The following AATK variants were observed in gnomAD, a reference collection of about 807,000 sequenced individuals.
The protein encoded by AATK is serine/threonine-protein kinase LMTK1.
Under a neutral mutation model 114.3 loss-of-function variants are expected in AATK, and 91 were observed. The ratio of observed to expected loss-of-function variants is 0.80; its 90% confidence interval spans 0.67 to 0.95. AATK has a LOEUF of 0.95. Ranked by LOEUF, AATK falls within the 40% of genes least tolerant of loss-of-function variation. The pLI is 0.00. For missense variants in AATK, 2,176 were observed against 1,965.2 expected, an observed-to-expected ratio of 1.11 and a Z score of -2.03; for synonymous variants, 1,075 against 916.5, an observed-to-expected ratio of 1.17 and a Z score of -3.12.
In AATK at chr17:81,126,720, G is replaced by A. The variant is rs2060832214; in HGVS notation, c.622-160C>T. 87 of 1,419,244 alleles carry A rather than the reference G, an allele frequency of 6.1e-5. No homozygotes were observed. In the South Asian group the frequency reaches 1.3e-3, roughly 21 times the overall value. The allele number at this position is 1,419,244 out of a possible 1,614,324, so 87.9% of individuals were successfully genotyped here. A position where few individuals can be genotyped will look rare whatever the true frequency, so the allele number is the denominator to read the frequency against. On this transcript the variant is annotated intron_variant, in intron 6 of 13. Transcript: ENST00000326724. This position sits in a 1 kb window ranked among gnomAD's most constrained non-coding sequence, Gnocchi z 5.1. ...CCTGCACAGTGGCCAGCACCCAGCA[G>A]TTCCTGGAGGGGGGCCGTGTCCCCC...
rs757536504 is a variant in AATK at position 81,160,604 on chromosome 17, C to T, written c.55+5334G>A. 6.6e-5 allele frequency among the ~76,000 whole-genome samples: 10 copies of T among 152,322 alleles called. No individual in the cohort carries two copies. The South Asian group carries it at 1.2e-3, about 19-fold the overall frequency. On this transcript the variant is annotated intron_variant, in intron 1 of 13. Coordinates refer to ENST00000326724, the MANE Select transcript of AATK (RefSeq NM_001080395.3). ...CTGTCACTGTGGCCTGCGGAGGGGA[C>T]GGGAGTCTCCCCACCACGGACACGG... is the stretch of plus-strand genomic sequence containing the variant.
intron 1 of AATK, among the ~76,000 whole-genome samples, chr17:81,157,614 C>G (rs557566747): frequency 1.3e-4 from 20 of 152,362 alleles, no homozygotes; most frequent in African/African-American, 4.8e-4. Context: ...GTGAGTTCCA[C>G]CAGCTGGACA....
At chr17:81,123,397 C>G (rs1212513573) in intron 9 of AATK, 54 bp from the exon 10 acceptor site, 2 of 1,313,586 alleles carry the variant, frequency 1.5e-6, no homozygotes, top group East Asian at 6.3e-5. Context: ...ACAGCAAGGA[C>G]CGCGCAGGAT....
chr17:81,127,122 C>T (rs1247042579), intron 6 of AATK, among the ~76,000 whole-genome samples: 2 of 60,290 alleles, frequency 3.3e-5, no homozygotes, highest in African/African-American at 6.7e-5. Flanking sequence ...GGGCAGGTCT[C>T]AGGGGGAGGG....
intron 3 of AATK, chr17:81,128,919 G>T: frequency 8.9e-7 from 1 of 1,126,248 alleles, no homozygotes; most frequent in South Asian, 2.2e-5. Flanking sequence ...GGCACAGAGA[G>T]GGCACTGGAG....
intron 1 of AATK, among the ~76,000 whole-genome samples, chr17:81,158,195 G>A (rs1388466193): frequency 6.6e-6 from 1 of 152,246 alleles, no homozygotes; most frequent in Non-Finnish European, 1.5e-5. Flanking sequence ...GGCTCCAGCA[G>A]CAGCCAAGCA....
intron 1 of AATK, among the ~76,000 whole-genome samples, chr17:81,161,953 G>A (rs2061433211): frequency 1.3e-5 from 2 of 152,166 alleles, no homozygotes; most frequent in Non-Finnish European, 2.9e-5. Flanking sequence ...TGCAGGGGCC[G>A]GTCCTCTGGG....
chr17:81,120,206 C>A lies in AATK; in HGVS notation c.3730G>T (p.Asp1244Tyr). ...CCCGGGTGGCGGCGGCCCACCTGGTCAAAGAGGTAGACGGTGACGTCGTCG... is the reference window on the plus strand; with the variant it reads ...CCCGGGTGGCGGCGGCCCACCTGGTAAAAGAGGTAGACGGTGACGTCGTCG... ...FFDDVTVYLF[D>Y]QESPTRELGE... Residue 1244 changes from aspartate to tyrosine, a missense_variant, in exon 11 of 14, where the codon GAC becomes TAC. By Grantham distance (160) the Asp-to-Tyr change is radical. Coordinates refer to ENST00000326724, the MANE Select transcript of AATK (RefSeq NM_001080395.3). 1 of 1,571,460 alleles carries A rather than the reference C, an allele frequency of 6.4e-7. No individual in the cohort carries two copies. The highest frequency in any genetic ancestry group is 1.1e-5 in the South Asian group (1 of 88,746).
intron 1 of AATK, among the ~76,000 whole-genome samples, chr17:81,151,348 T>C (rs1489763805): frequency 8.6e-6 from 1 of 115,952 alleles, no homozygotes. Context: ...CCCCCAGAAA[T>C]GAAAGGACAG....
chr17:81,125,476 C>G, intron 7 of AATK: 1 of 366,792 alleles, frequency 2.7e-6, no homozygotes, highest in Non-Finnish European at 5.6e-6. Context: ...TAGGGTCCAG[C>G]CCTGCCATGC....
rs543420423 is a variant in AATK, at chr17:81,119,444, C to A, written c.4020G>T (p.Ser1340=). ...TGGAGAAGCGGGACGTGGGCGCGGGCGACACCGTGAAGCGCGAGAAGGGAG... is the reference window on the plus strand; with the variant it reads ...TGGAGAAGCGGGACGTGGGCGCGGGAGACACCGTGAAGCGCGAGAAGGGAG... ...TPAPFSRFTV[S]PAPTSRFSIT... is the part of the protein sequence containing the mutation. The change falls in exon 13 of 14, where the codon TCG becomes TCT. Residue 1340 remains serine, a synonymous_variant. Transcript: ENST00000326724. 1.3e-6 allele frequency: 2 copies of A among 1,516,514 alleles called. No homozygotes were observed. Among genetic ancestry groups the A allele is most frequent in the African/African-American group, 1.5e-5 (1 of 68,342 alleles). The allele number at this position is 1,516,514 out of a possible 1,614,324, so 93.9% of individuals were successfully genotyped here. A position where few individuals can be genotyped will look rare whatever the true frequency, so the allele number is the denominator to read the frequency against.
chr17:81,120,278 T>A lies in AATK; in HGVS notation c.3658A>T (p.Thr1220Ser). Reference protein sequence around the residue: ...LLKMPSLLSETFCEDLERKKK... With the variant: ...LLKMPSLLSESFCEDLERKKK... ...TTGCGTTCCAGGTCCTCGCAGAAGG[T>A]CTCGGACAGCAGGCTGGGCATCTTG... Residue 1220 changes from threonine to serine, a missense_variant, in exon 11 of 14, where the codon ACC (threonine) becomes TCC (serine). Physicochemically the swap from Thr to Ser is moderately conservative, Grantham distance 58. Transcript: ENST00000326724. 11 of 1,608,202 alleles carry A rather than the reference T, an allele frequency of 6.8e-6. No individual in the cohort carries two copies. Among genetic ancestry groups the A allele is most frequent in the Non-Finnish European group, 9.3e-6 (11 of 1,177,174 alleles).
intron 2 of AATK, 147 bp downstream of exon 2, chr17:81,134,221 C>G: frequency 9.4e-7 from 1 of 1,059,694 alleles, no homozygotes; most frequent in Non-Finnish European, 1.4e-6. Flanking sequence ...CCAGGGTCCA[C>G]GTGGTCCCCA....
At chr17:81,156,087 T>TATGTTACC (rs200095992) in intron 1 of AATK, among the ~76,000 whole-genome samples, 22 of 107,156 alleles carry the variant, frequency 2.1e-4, no homozygotes, top group African/African-American at 7.2e-4. Flanking sequence ...TGTTACAATG[T>TATGTTACC]ATGTTACAAT....
At chr17:81,142,788 C>T (rs1303738091) in intron 1 of AATK, among the ~76,000 whole-genome samples, 1 of 151,242 alleles carries the variant, frequency 6.6e-6, no homozygotes, top group African/African-American at 2.4e-5. Flanking sequence ...CCCGCCCCAG[C>T]CAGCCAGCCT....
intron 1 of AATK, among the ~76,000 whole-genome samples, chr17:81,140,833 CGTGGGGCCGTGAGCCGTGGGGCT>C (rs1340775505): frequency 1.3e-3 from 81 of 61,778 alleles, no homozygotes; most frequent in East Asian, 0.011. Context: ...GCCGGGAGAC[CGTGGGGCCGTGAGCCGTGGGGCT>C]GTGGGGCCGT....
chr17:81,155,797 C>T (rs1204744641), intron 1 of AATK, among the ~76,000 whole-genome samples: 1 of 151,988 alleles, frequency 6.6e-6, no homozygotes, highest in East Asian at 1.9e-4. Flanking sequence ...GCAGTCATCT[C>T]ACTTCAGCCT....
At chr17:81,149,497 G>A (rs7217836) in intron 1 of AATK, among the ~76,000 whole-genome samples, 8,130 of 149,454 alleles carry the variant, frequency 0.054, 571 homozygotes, top group African/African-American at 0.16. Context: ...GCCCCTCACA[G>A]GCCTCCAACC....
At chr17:81,146,982 TAAAAATA>T (rs2061229435) in intron 1 of AATK, among the ~76,000 whole-genome samples, 1 of 69,548 alleles carries the variant, frequency 1.4e-5, no homozygotes, top group Non-Finnish European at 3.3e-5. Flanking sequence ...GCATCCAGAA[TAAAAATA>T]AAGTAAGGAA....
Sources: allele counts gnomAD v4.1 joint callset (sites outside exome capture counted in the v4.1 genomes callset), GRCh38; gene constraint gnomAD v4.1.1; non-coding constraint Gnocchi (gnomAD v3.1); transcripts MANE v1.5; gene names NCBI Gene and HGNC (gene_info 2026-07-23, HGNC 2026-07-21).